GALNTL6: variants seen among roughly 807,000 people sequenced by gnomAD.
GALNTL6 encodes the protein polypeptide N-acetylgalactosaminyltransferase like 6.
A neutral mutation model predicts 73.7 loss-of-function variants in GALNTL6; 46 were observed. The observed-to-expected ratio is 0.62, with a 90% CI of 0.49 to 0.80. The LOEUF (loss-of-function observed/expected upper bound fraction) is 0.80, where lower values mean the gene tolerates loss of function less well. Ranked by LOEUF, GALNTL6 falls within the 30% of genes least tolerant of loss-of-function variation. The probability of loss-of-function intolerance (pLI) is 0.00; values close to 1 mark genes in which losing one functional copy is unlikely to be tolerated. For missense variants in GALNTL6, 604 were observed against 755.0 expected (o/e 0.80, Z 2.34); for synonymous variants, 259 against 263.7 (o/e 0.98, Z 0.17).
rs1190240725 is a variant in GALNTL6 at position 173,041,471 on chromosome 4, G to A, written c.*1371G>A. On this transcript the variant is annotated 3_prime_UTR_variant, in exon 13 of 13. Coordinates refer to ENST00000506823, the MANE Select transcript of GALNTL6 (RefSeq NM_001034845.3). ...ATCATGTTTATTATATATCTCTCAAGTTTTTTTGGTATAAAAATGTTTTAA... is the reference window on the plus strand; with the variant it reads ...ATCATGTTTATTATATATCTCTCAAATTTTTTTGGTATAAAAATGTTTTAA... The A allele has an allele frequency of 6.6e-6, 1 of 151,988 alleles. No homozygotes were observed. Among genetic ancestry groups the A allele is most frequent in the Non-Finnish European group, 1.5e-5 (1 of 67,988 alleles). The allele number at this position is 151,988 out of a possible 1,614,324, so 9.4% of individuals were successfully genotyped here. A position where few individuals can be genotyped will look rare whatever the true frequency, so the allele number is the denominator to read the frequency against.
At chr4:172,358,872 A>C (rs1285197857) in intron 5 of GALNTL6, among the ~76,000 whole-genome samples, 2 of 151,168 alleles carry the variant, frequency 1.3e-5, no homozygotes, top group South Asian at 2.1e-4. Flanking sequence ...AAAAAAAAAA[A>C]AAAAAAAAAA....
chr4:173,029,977 G>A (rs534704731), intron 12 of GALNTL6, among the ~76,000 whole-genome samples: 38 of 152,268 alleles, frequency 2.5e-4, no homozygotes, highest in African/African-American at 8.4e-4. Context: ...ATCCATTAAT[G>A]AGCATCATTT....
chr4:171,953,225 C>CGTGTGTGTGTGTGTGTGTGTGTGTGTGT (rs36214606), intron 2 of GALNTL6, among the ~76,000 whole-genome samples: 1 of 147,024 alleles, frequency 6.8e-6, no homozygotes. Context: ...CGCATGCGCA[C>CGTGTGTGTGTGTGTGTGTGTGTGTGTGT]GTGTGTGTGT....
chr4:172,541,197 T>G (rs908440026), intron 5 of GALNTL6, among the ~76,000 whole-genome samples: 2 of 152,196 alleles, frequency 1.3e-5, no homozygotes, highest in Non-Finnish European at 2.9e-5. Context: ...ATTTTATAGT[T>G]TGTAGGGTAC....
At chr4:172,063,490 TA>T (rs1731268329) in intron 2 of GALNTL6, among the ~76,000 whole-genome samples, 1 of 152,204 alleles carries the variant, frequency 6.6e-6, no homozygotes, top group Non-Finnish European at 1.5e-5. Context: ...TTTTGGCTTT[TA>T]TTTTTTGGTT....
At chr4:172,081,814 G>A (rs930017858) in intron 2 of GALNTL6, among the ~76,000 whole-genome samples, 1 of 151,848 alleles carries the variant, frequency 6.6e-6, no homozygotes, top group East Asian at 1.9e-4. Flanking sequence ...ACGAGGTGGT[G>A]GATAATGGAG....
intron 5 of GALNTL6, among the ~76,000 whole-genome samples, chr4:172,460,859 AT>A (rs1732584608): frequency 6.6e-6 from 1 of 152,232 alleles, no homozygotes; most frequent in South Asian, 2.1e-4. Flanking sequence ...CAGCAATCCC[AT>A]TACTGGGTAT....
At chr4:172,700,494 T>C (rs1318884822) in intron 5 of GALNTL6, among the ~76,000 whole-genome samples, 1 of 152,142 alleles carries the variant, frequency 6.6e-6, no homozygotes, top group African/African-American at 2.4e-5. Flanking sequence ...TGCTGCCAGC[T>C]TTTTACTGAA....
intron 5 of GALNTL6, among the ~76,000 whole-genome samples, chr4:172,503,824 T>C (rs1188003529): frequency 6.6e-6 from 1 of 151,908 alleles, no homozygotes; most frequent in Non-Finnish European, 1.5e-5. Flanking sequence ...GGGCAAGTAA[T>C]GCCCAAGGAA....
At chr4:173,029,900 A>G (rs968586545) in intron 12 of GALNTL6, among the ~76,000 whole-genome samples, 1 of 152,200 alleles carries the variant, frequency 6.6e-6, no homozygotes, top group East Asian at 1.9e-4. Context: ...TCATGCCTTC[A>G]TCTAAATTGT....
At chr4:172,457,875 C>T (rs1057257140) in intron 5 of GALNTL6, among the ~76,000 whole-genome samples, 1 of 152,194 alleles carries the variant, frequency 6.6e-6, no homozygotes. Flanking sequence ...CAGACATCTA[C>T]AGAACTCTCC....
chr4:172,293,628 A>G (rs2626613), intron 3 of GALNTL6, among the ~76,000 whole-genome samples: 143,625 of 152,000 alleles, frequency 0.94, 68,365 homozygotes, highest in East Asian at 1. Context: ...TGAGCTGGTC[A>G]TATTGCCTAT....
chr4:172,440,328 G>A (rs948310649), intron 5 of GALNTL6, among the ~76,000 whole-genome samples: 7 of 152,050 alleles, frequency 4.6e-5, no homozygotes, highest in African/African-American at 1.7e-4. Context: ...ACTGAGCCAT[G>A]AAAAGACATG....
chr4:172,633,926 A>T (rs996237474), intron 5 of GALNTL6, among the ~76,000 whole-genome samples: 1 of 152,198 alleles, frequency 6.6e-6, no homozygotes, highest in African/African-American at 2.4e-5. Context: ...AACTTTGCTC[A>T]TCATTCGCCT....
intron 5 of GALNTL6, among the ~76,000 whole-genome samples, chr4:172,744,103 T>A (rs1481022497): frequency 6.6e-6 from 1 of 150,438 alleles, no homozygotes; most frequent in Non-Finnish European, 1.5e-5. Context: ...GTAGAGATTC[T>A]ATCAGTTGCC....
At chr4:172,357,270 T>C (rs543538304) in intron 5 of GALNTL6, among the ~76,000 whole-genome samples, 2 of 152,294 alleles carry the variant, frequency 1.3e-5, no homozygotes, top group East Asian at 3.9e-4. Context: ...CCGTAGAATT[T>C]ATTGAGGTAC....
chr4:172,704,178 A>G (rs1044167304), intron 5 of GALNTL6, among the ~76,000 whole-genome samples: 1 of 151,690 alleles, frequency 6.6e-6, no homozygotes, highest in African/African-American at 2.4e-5. Context: ...GTAATTTTTT[A>G]GTCTCAATTT....
Position 172,454,891 on chromosome 4 carries a change from T to A in GALNTL6, c.553+106202T>A, listed in dbSNP as rs144851241. On this transcript the variant is annotated intron_variant, in intron 5 of 12. Transcript: ENST00000506823. ...GAAATCCTTTTCATCATGCAGGCATTTTTTTTTAAAGATTTTTTTTCAGTG... is the reference window on the plus strand; with the variant it reads ...GAAATCCTTTTCATCATGCAGGCATATTTTTTTAAAGATTTTTTTTCAGTG... Among the ~76,000 whole-genome samples, 346 of 152,156 alleles carry A rather than the reference T, an allele frequency of 2.3e-3. 2 individuals carry two copies. The highest frequency in any genetic ancestry group is 8.1e-3 in the African/African-American group (336 of 41,510).
intron 5 of GALNTL6, among the ~76,000 whole-genome samples, chr4:172,694,839 A>T (rs1276452885): frequency 2.0e-5 from 3 of 152,226 alleles, no homozygotes; most frequent in Non-Finnish European, 4.4e-5. Flanking sequence ...TCTGCTTTTT[A>T]AAAACTAAAC....
Sources: allele counts gnomAD v4.1 joint callset (sites outside exome capture counted in the v4.1 genomes callset), GRCh38; gene constraint gnomAD v4.1.1; transcripts MANE v1.5; gene names NCBI Gene and HGNC (gene_info 2026-07-23, HGNC 2026-07-21).